Variants in GRIK2 observed in about 807,000 individuals in gnomAD.
GRIK2 encodes glutamate ionotropic receptor kainate type subunit 2, also known as glutamate receptor ionotropic, kainate 2.
Under a neutral mutation model 100.3 loss-of-function variants are expected in GRIK2, and 32 were observed. The observed-to-expected ratio is 0.32, with a 90% CI of 0.24 to 0.43. The LOEUF (loss-of-function observed/expected upper bound fraction) is 0.43. Among genes scored for constraint, GRIK2 ranks in the 20% least tolerant of loss-of-function variants. The pLI is 1.00. For missense variants in GRIK2, 843 were observed against 1,114.9 expected, an observed-to-expected ratio of 0.76 and a Z score of 3.47; for synonymous variants, 417 against 389.4, an observed-to-expected ratio of 1.07 and a Z score of -0.83.
intron 14 of GRIK2, among the ~76,000 whole-genome samples, chr6:102,016,572 T>A (rs1231716106): frequency 6.8e-6 from 1 of 147,764 alleles, no homozygotes; most frequent in Non-Finnish European, 1.5e-5. Flanking sequence ...TCAAAAAAAA[T>A]TTAAAAAAAA....
intron 9 of GRIK2, among the ~76,000 whole-genome samples, chr6:101,808,910 G>A (rs913935780): frequency 1.3e-5 from 2 of 150,642 alleles, no homozygotes; most frequent in Non-Finnish European, 3.0e-5. Flanking sequence ...GTATCCTTTG[G>A]GAAAATCTTA....
intron 14 of GRIK2, among the ~76,000 whole-genome samples, chr6:101,966,443 T>A (rs1038531791): frequency 1.3e-5 from 2 of 151,996 alleles, no homozygotes; most frequent in Non-Finnish European, 2.9e-5. Context: ...AGTAATAGAG[T>A]TTGACAAGGC....
intron 2 of GRIK2, among the ~76,000 whole-genome samples, chr6:101,573,553 T>C (rs1777654486): frequency 1.3e-5 from 2 of 152,214 alleles, no homozygotes; most frequent in South Asian, 4.1e-4. Context: ...TTTTCACTCA[T>C]CTGTAAACAA....
At position 101,626,397 on chromosome 6, in the gene GRIK2, C is replaced by T. The variant is rs1206777428; in HGVS notation, c.301C>T (p.Leu101Phe). ...CTCTTCAGCCTGTGATCAGCTGTCT[C>T]TTGGGGTGGCTGCCATCTTCGGGCC... ...ASKKACDQLS[L>F]GVAAIFGPSH... Residue 101 changes from leucine (L) to phenylalanine (F), a missense_variant, in exon 4 of 17, where the codon CTT becomes TTT. Leu to Phe is a conservative substitution (Grantham distance 22). Transcript: ENST00000369134. 2 of 1,612,768 alleles carry T rather than the reference C, an allele frequency of 1.2e-6. No homozygotes were observed. Among genetic ancestry groups the T allele is most frequent in the South Asian group, 1.1e-5 (1 of 91,018 alleles).
intron 12 of GRIK2, among the ~76,000 whole-genome samples, chr6:101,910,471 G>GAT (rs1208297232): frequency 2.6e-5 from 4 of 151,220 alleles, no homozygotes; most frequent in Non-Finnish European, 3.0e-5. Flanking sequence ...AGTGAAAGGA[G>GAT]ATAGAAGCCA....
chr6:101,716,896 A>T (rs1241346423), intron 7 of GRIK2, among the ~76,000 whole-genome samples: 1 of 151,850 alleles, frequency 6.6e-6, no homozygotes, highest in African/African-American at 2.4e-5. Context: ...CTCCTCTTCC[A>T]GTGCCCATTC....
At chr6:101,909,997 T>C (rs202234313) in intron 12 of GRIK2, among the ~76,000 whole-genome samples, 1 of 150,390 alleles carries the variant, frequency 6.6e-6, no homozygotes, top group African/African-American at 2.4e-5. Context: ...GATAGAAGTG[T>C]TGTATAAAAT....
chr6:101,544,156 T>C (rs1776130388), intron 2 of GRIK2, among the ~76,000 whole-genome samples: 1 of 152,168 alleles, frequency 6.6e-6, no homozygotes, highest in Admixed American at 6.5e-5. Flanking sequence ...TTCTCCTTTT[T>C]ATATCCCCTC....
chr6:101,677,328 C>T (rs1027909712), intron 5 of GRIK2, among the ~76,000 whole-genome samples: 4 of 152,054 alleles, frequency 2.6e-5, no homozygotes, highest in Non-Finnish European at 5.9e-5. Flanking sequence ...TGTCAAGTAG[C>T]AAGAACATAG....
At chr6:101,972,232 C>A (rs534932282) in intron 14 of GRIK2, among the ~76,000 whole-genome samples, 1 of 152,052 alleles carries the variant, frequency 6.6e-6, no homozygotes, top group East Asian at 1.9e-4. Context: ...AGTGTATAAG[C>A]ATTCCTATTT....
rs60603807 is a variant in GRIK2, at chr6:101,955,576, T to TTCTCTCTC, written c.2085+26977_2085+26984dup. 1.9e-3 allele frequency among the ~76,000 whole-genome samples: 217 copies of TTCTCTCTC among 116,310 alleles called. 2 individuals are homozygous for TTCTCTCTC. The highest frequency in any genetic ancestry group is 5.6e-3 in the African/African-American group (148 of 26,500). The allele number at this position is 116,310 out of a possible 152,430, so 76.3% of individuals were successfully genotyped here. On this transcript the variant is annotated intron_variant, in intron 14 of 16. Transcript: ENST00000369134. ...CCAGCCTGAGCAACAGAGCAAGGCCTTCTCTCTCTCTCTCTCTCTCTCTCT... is the reference window on the plus strand; with the variant it reads ...CCAGCCTGAGCAACAGAGCAAGGCCTTCTCTCTCTCTCTCTCTCTCTCTCTCTCTCTCT...
At chr6:101,977,215 A>G (rs1282358823) in intron 14 of GRIK2, among the ~76,000 whole-genome samples, 1 of 146,274 alleles carries the variant, frequency 6.8e-6, no homozygotes, top group Non-Finnish European at 1.5e-5. Flanking sequence ...TGTAGTATAT[A>G]CCTATTTATT....
chr6:101,760,632 A>T (rs1406839927), intron 7 of GRIK2, among the ~76,000 whole-genome samples: 1 of 113,156 alleles, frequency 8.8e-6, no homozygotes, highest in Non-Finnish European at 1.7e-5. Context: ...ATGTTTAATT[A>T]TATATAATTA....
rs539517168 is a variant in GRIK2, at chr6:101,635,346, AAG to A, written c.541+8710_541+8711del. On this transcript the variant is annotated intron_variant, in intron 4 of 16. Coordinates refer to ENST00000369134, the MANE Select transcript of GRIK2 (RefSeq NM_021956.5). ...CAATCATAAAAATTTTTTTAGAAAAAAGTTAACTCAAGATGGATTAAAGACTT... is the reference window on the plus strand; with the variant it reads ...CAATCATAAAAATTTTTTTAGAAAAATTAACTCAAGATGGATTAAAGACTT... Among the ~76,000 whole-genome samples the A allele has an allele frequency of 2.0e-3, 312 of 152,222 alleles. 1 individual carries two copies. Among genetic ancestry groups the A allele is most frequent in the Non-Finnish European group, 3.4e-3 (232 of 68,008 alleles).
chr6:101,939,348 A>G lies in GRIK2; in HGVS notation c.2085+10716A>G, dbSNP rs972663800. Reference sequence around the variant, plus strand: ...TTGTTCGTATTACCACTGAACATGTACTAAATTCCCAATATATATTTGCTA... The same window carrying G: ...TTGTTCGTATTACCACTGAACATGTGCTAAATTCCCAATATATATTTGCTA... On this transcript the variant is annotated intron_variant, in intron 14 of 16. Transcript: ENST00000369134. Among the ~76,000 whole-genome samples the G allele has an allele frequency of 5.3e-5, 8 of 152,028 alleles. No homozygotes were observed. In the South Asian group the frequency reaches 6.2e-4, roughly 12 times the overall value.
chr6:101,901,104 A>G (rs1787818408), intron 12 of GRIK2, among the ~76,000 whole-genome samples: 1 of 152,044 alleles, frequency 6.6e-6, no homozygotes, highest in South Asian at 2.1e-4. Flanking sequence ...TCACTCTCAT[A>G]GTTCTTTTAA....
At chr6:101,733,714 T>C (rs1292962853) in intron 7 of GRIK2, among the ~76,000 whole-genome samples, 12 of 112,572 alleles carry the variant, frequency 1.1e-4, no homozygotes, top group African/African-American at 2.5e-4. Flanking sequence ...CTTTCTTTTT[T>C]TTTTTTTTTT....
In GRIK2 at chr6:101,891,378, G is replaced by A. The variant is rs375327085; in HGVS notation, c.1748+1515G>A. ...CTAAAAATACAAAAATTAACTGGGCGTGGTGGTGTGCACCTGTAGTCCCAG... is the reference window on the plus strand; with the variant it reads ...CTAAAAATACAAAAATTAACTGGGCATGGTGGTGTGCACCTGTAGTCCCAG... On this transcript the variant is annotated intron_variant, in intron 12 of 16. Transcript: ENST00000369134. 3.3e-5 allele frequency among the ~76,000 whole-genome samples: 5 copies of A among 151,694 alleles called. No homozygotes were observed. In the South Asian group the frequency reaches 6.2e-4, roughly 19 times the overall value.
intron 11 of GRIK2, among the ~76,000 whole-genome samples, chr6:101,881,597 T>C (rs999338421): frequency 6.6e-6 from 1 of 151,904 alleles, no homozygotes; most frequent in African/African-American, 2.4e-5. Flanking sequence ...CGTACTGATA[T>C]TTTTCTAGGG....
Sources: gnomAD v4.1 joint callset for allele counts (sites outside exome capture counted in the v4.1 genomes callset) on GRCh38, gnomAD v4.1.1 for gene constraint, MANE v1.5 for transcripts, NCBI Gene and HGNC (gene_info 2026-07-23, HGNC 2026-07-21) for gene names.